SETBP1: variants seen among roughly 807,000 people sequenced by gnomAD.
SETBP1 encodes SET binding protein 1.
Under a neutral mutation model 101.0 loss-of-function variants are expected in SETBP1, and 9 were observed. That is an observed-to-expected ratio of 0.09 (90% CI 0.05 to 0.16). The LOEUF is 0.16. SETBP1 is among the 10% of genes least tolerant of loss of function. The probability of loss-of-function intolerance (pLI) is 1.00; values close to 1 mark genes in which losing one functional copy is unlikely to be tolerated. For synonymous variants in SETBP1, 818 were observed against 788.5 expected, an observed-to-expected ratio of 1.04 and a Z score of -0.63; for missense variants, 1,858 against 2,033.8, an observed-to-expected ratio of 0.91 and a Z score of 1.66.
intron 2 of SETBP1, among the ~76,000 whole-genome samples, chr18:44,703,820 G>A (rs2069163895): frequency 6.6e-6 from 1 of 152,208 alleles, no homozygotes; most frequent in Non-Finnish European, 1.5e-5. Context: ...TGAGATTCAT[G>A]CAAGAAAATG....
At chr18:44,881,313 GC>G (rs2069525430) in intron 3 of SETBP1, among the ~76,000 whole-genome samples, 1 of 152,104 alleles carries the variant, frequency 6.6e-6, no homozygotes, top group South Asian at 2.1e-4. Flanking sequence ...TGGTTTATTG[GC>G]ATCTTGTGAA....
intron 4 of SETBP1, among the ~76,000 whole-genome samples, chr18:45,014,415 A>G (rs1056879921): frequency 6.6e-6 from 1 of 152,374 alleles, no homozygotes; most frequent in South Asian, 2.1e-4. Context: ...GAAATAATTC[A>G]GATTACATCC....
intron 2 of SETBP1, among the ~76,000 whole-genome samples, chr18:44,864,352 A>C (rs926690986): frequency 6.6e-6 from 1 of 152,092 alleles, no homozygotes; most frequent in African/African-American, 2.4e-5. Context: ...AGGAAGCTGA[A>C]GGGATTTCTA....
intron 4 of SETBP1, among the ~76,000 whole-genome samples, chr18:44,998,526 T>C (rs905413649): frequency 6.6e-6 from 1 of 152,262 alleles, no homozygotes; most frequent in Non-Finnish European, 1.5e-5. Context: ...ACATATTGGC[T>C]GTATTCACAG....
intron 3 of SETBP1, among the ~76,000 whole-genome samples, chr18:44,940,580 TAC>T (rs2071064968): frequency 6.6e-6 from 1 of 152,208 alleles, no homozygotes; most frequent in African/African-American, 2.4e-5. Flanking sequence ...CTTAAAATAT[TAC>T]AGTCTACTTT....
At chr18:44,844,785 G>A (rs2072691983) in intron 2 of SETBP1, among the ~76,000 whole-genome samples, 1 of 152,154 alleles carries the variant, frequency 6.6e-6, no homozygotes, top group South Asian at 2.1e-4. Context: ...GTTCAGAAGT[G>A]GAGATTGCTG....
rs144249054 is a variant in SETBP1, at chr18:44,950,588, T to G, written c.1248T>G (p.His416Gln). 6.2e-7 allele frequency: 1 copy of G among 1,613,802 alleles called. No individual in the cohort carries two copies. The highest frequency in any genetic ancestry group is 2.2e-5 in the East Asian group (1 of 44,834). ...CACCCTCTCTGGATCCAACCAACCA[T>G]AAGAGGAAAAAAAGACAGTCCATTA... ...IKAPSLDPTN[H>Q]KRKKRQSIKA... The change falls in exon 4 of 6, where the codon CAT (histidine) becomes CAG (glutamine). Residue 416 changes from histidine to glutamine, a missense_variant. His to Gln is a conservative substitution (Grantham distance 24). Around this residue, in one of 12 missense-constraint regions of SETBP1, gnomAD observed 581 missense variants for 535.1 expected, o/e 1.09. Transcript: ENST00000649279.
chr18:44,916,536 T>C (rs556448467), intron 3 of SETBP1, among the ~76,000 whole-genome samples: 1 of 152,328 alleles, frequency 6.6e-6, no homozygotes, highest in African/African-American at 2.4e-5. Flanking sequence ...TAAATATTGC[T>C]ACAGCCCAGG....
intron 5 of SETBP1, 40 bp from the exon 6 acceptor site, chr18:45,063,039 G>T (rs1380198141): frequency 6.2e-7 from 1 of 1,612,100 alleles, no homozygotes; most frequent in East Asian, 2.2e-5. Context: ...AAGGCACCTT[G>T]CATCCTGTGC....
chr18:44,726,663 T>C (rs1324949321), intron 2 of SETBP1, among the ~76,000 whole-genome samples: 2 of 152,240 alleles, frequency 1.3e-5, no homozygotes, highest in East Asian at 3.8e-4. Context: ...TCAAATTTCA[T>C]CACGTGTTTG....
intron 2 of SETBP1, among the ~76,000 whole-genome samples, chr18:44,857,864 A>G (rs1448496268): frequency 6.6e-6 from 1 of 152,184 alleles, no homozygotes; most frequent in Non-Finnish European, 1.5e-5. Flanking sequence ...TTTTGGCATA[A>G]AGAAAACCTT....
chr18:45,023,331 G>A (rs930023599), intron 4 of SETBP1, among the ~76,000 whole-genome samples: 3 of 152,106 alleles, frequency 2.0e-5, no homozygotes, highest in Non-Finnish European at 2.9e-5. Context: ...TGATCTTTTC[G>A]GCTCAGGGGA....
At chr18:44,813,988 T>C (rs946688457) in intron 2 of SETBP1, among the ~76,000 whole-genome samples, 2 of 152,110 alleles carry the variant, frequency 1.3e-5, no homozygotes, top group Non-Finnish European at 2.9e-5. Context: ...CCAAGTCCTA[T>C]AGGCTGGAAA....
chr18:44,862,371 T>A (rs2069032692), intron 2 of SETBP1, among the ~76,000 whole-genome samples: 1 of 152,208 alleles, frequency 6.6e-6, no homozygotes, highest in Non-Finnish European at 1.5e-5. Context: ...TGTCAGTGAT[T>A]TCAGGTTTAA....
At chr18:44,892,688 A>G (rs2069799711) in intron 3 of SETBP1, among the ~76,000 whole-genome samples, 1 of 152,098 alleles carries the variant, frequency 6.6e-6, no homozygotes, top group African/African-American at 2.4e-5. Flanking sequence ...AATATATTTT[A>G]TTGAAACTTC....
chr18:44,917,518 C>A (rs974499637), intron 3 of SETBP1, among the ~76,000 whole-genome samples: 8 of 152,102 alleles, frequency 5.3e-5, no homozygotes, highest in Admixed American at 5.2e-4. Context: ...TCTAAATGCC[C>A]GACTTTGTGG....
chr18:44,791,839 T>G (rs1310020163), intron 2 of SETBP1, among the ~76,000 whole-genome samples: 1 of 151,630 alleles, frequency 6.6e-6, no homozygotes, highest in Non-Finnish European at 1.5e-5. Context: ...AAGCACAGAG[T>G]GATGTCAGCT....
chr18:44,825,782 T>C (rs1271558452), intron 2 of SETBP1, among the ~76,000 whole-genome samples: 1 of 152,214 alleles, frequency 6.6e-6, no homozygotes, highest in Non-Finnish European at 1.5e-5. Flanking sequence ...TGCCGGGAGC[T>C]CTTCATTCAG....
intron 4 of SETBP1, among the ~76,000 whole-genome samples, chr18:44,983,668 C>T (rs2072163996): frequency 6.6e-6 from 1 of 152,170 alleles, no homozygotes; most frequent in Non-Finnish European, 1.5e-5. Flanking sequence ...CTCATGCCAG[C>T]TGAGTGCTTT....
Sources: allele counts gnomAD v4.1 joint callset (sites outside exome capture counted in the v4.1 genomes callset), GRCh38; gene constraint gnomAD v4.1.1; regional missense constraint gnomAD v4.1.1; transcripts MANE v1.5; gene names NCBI Gene and HGNC (gene_info 2026-07-23, HGNC 2026-07-21).